The following THTPA variants were observed in gnomAD, a reference collection of about 807,000 sequenced individuals.
THTPA encodes the protein thiamine-triphosphatase.
In THTPA, 16 loss-of-function variants were observed where a neutral mutation model predicts 16.5. That is an observed-to-expected ratio of 0.97 (90% CI 0.66 to 1.47). THTPA has a LOEUF of 1.47. Ranked by LOEUF, THTPA falls within the 40% of genes most tolerant of loss-of-function variation. The pLI is 0.00. For missense variants in THTPA, 281 were observed against 280.9 expected (o/e 1.00, Z 0.00); for synonymous variants, 110 against 115.5 (o/e 0.95, Z 0.30).
At chr14:23,530,337 C>T in the THTPA span, 11 of 730,818 alleles carry the variant, frequency 1.5e-5, no homozygotes, top group Middle Eastern at 2.3e-4. Flanking sequence ...GTATGAAAAG[C>T]CAACAAAAAG....
chr14:23,533,315 C>A, the THTPA span: 1 of 1,438,016 alleles, frequency 7.0e-7, no homozygotes, highest in South Asian at 1.5e-5. This position sits in a 1 kb window ranked among gnomAD's most constrained non-coding sequence, Gnocchi z 4.8. Context: ...GCAGGTGCTC[C>A]TACGTGGTGG....
upstream of THTPA, among the ~76,000 whole-genome samples, chr14:23,553,727 T>A (rs1882140144): frequency 6.6e-6 from 1 of 151,174 alleles, no homozygotes; most frequent in Non-Finnish European, 1.5e-5. Flanking sequence ...ACCCCATCTC[T>A]ACTAAAATTA....
the THTPA span, chr14:23,535,052 C>A: frequency 1.5e-5 from 23 of 1,536,172 alleles, no homozygotes; most frequent in Non-Finnish European, 2.0e-5. The surrounding 1 kb of genome is among the most constrained non-coding windows in gnomAD (Gnocchi z 4.5). Context: ...TCCTTTTCCA[C>A]CCCTGGGTCA....
chr14:23,522,313 GCA>G, the THTPA span: 17 of 1,524,504 alleles, frequency 1.1e-5, no homozygotes, highest in Non-Finnish European at 1.4e-5. Context: ...ATGCCATCTT[GCA>G]CTGGCGGCAC....
At chr14:23,552,474 G>A (rs1474196462), upstream of THTPA, among the ~76,000 whole-genome samples, 2 of 151,966 alleles carry the variant, frequency 1.3e-5, no homozygotes, top group Non-Finnish European at 2.9e-5. Flanking sequence ...TGTATTTTTA[G>A]TAGAGACGGG....
At chr14:23,524,535 G>A in the THTPA span, 1 of 1,525,350 alleles carries the variant, frequency 6.6e-7, no homozygotes, top group South Asian at 1.2e-5. This position sits in a 1 kb window ranked among gnomAD's most constrained non-coding sequence, Gnocchi z 5.6. Context: ...TCTAGGAGTT[G>A]GGGGGGAGCA....
the THTPA span, chr14:23,535,220 G>C: frequency 6.6e-7 from 1 of 1,526,038 alleles, no homozygotes; most frequent in South Asian, 1.2e-5. This position sits in a 1 kb window ranked among gnomAD's most constrained non-coding sequence, Gnocchi z 4.5. Context: ...TTGGTGACAG[G>C]ATCAGAGGGG....
At chr14:23,533,084 G>A in the THTPA span, 8 of 1,521,978 alleles carry the variant, frequency 5.3e-6, no homozygotes, top group Non-Finnish European at 7.0e-6. This position sits in a 1 kb window ranked among gnomAD's most constrained non-coding sequence, Gnocchi z 4.8. Flanking sequence ...GCTTCCAGGG[G>A]CTAGAGGACA....
upstream of THTPA, chr14:23,556,073 A>G (rs1316389743): frequency 1.3e-5 from 2 of 152,454 alleles, no homozygotes; most frequent in Non-Finnish European, 2.9e-5. Context: ...GGGGCCAACA[A>G]TGAGGAGCAG....
the THTPA span, among the ~76,000 whole-genome samples, chr14:23,547,096 TGTG>T: frequency 6.6e-6 from 1 of 152,226 alleles, no homozygotes; most frequent in Non-Finnish European, 1.5e-5. Flanking sequence ...CTCTGAGAGT[TGTG>T]GTGAGTTTTA....
the THTPA span, chr14:23,525,151 G>A: frequency 1.3e-5 from 20 of 1,536,160 alleles, no homozygotes; most frequent in South Asian, 2.4e-4. This position sits in a 1 kb window ranked among gnomAD's most constrained non-coding sequence, Gnocchi z 5.9. Flanking sequence ...TGGTTCTGGA[G>A]AACCGGCGGC....
chr14:23,547,007 A>C, the THTPA span, among the ~76,000 whole-genome samples: 1 of 152,050 alleles, frequency 6.6e-6, no homozygotes, highest in Non-Finnish European at 1.5e-5. Context: ...TTGGCCCTTC[A>C]CCTCGTGATT....
At chr14:23,525,428 C>T in the THTPA span, 492 of 1,536,094 alleles carry the variant, frequency 3.2e-4, 2 homozygotes, top group South Asian at 1.5e-3. The surrounding 1 kb of genome is among the most constrained non-coding windows in gnomAD (Gnocchi z 5.9). Context: ...GGGCAGAAAG[C>T]GGCGGTGGAC....
the THTPA span, chr14:23,528,635 G>T: frequency 2.0e-6 from 2 of 985,404 alleles, no homozygotes; most frequent in Non-Finnish European, 2.4e-6. Flanking sequence ...CTACCTGTCT[G>T]CTCAGAAGCC....
chr14:23,535,163 C>G, the THTPA span: 1 of 1,535,684 alleles, frequency 6.5e-7, no homozygotes, highest in Non-Finnish European at 8.7e-7. This position sits in a 1 kb window ranked among gnomAD's most constrained non-coding sequence, Gnocchi z 4.5. Flanking sequence ...CCCCCTGGCT[C>G]TGAGGACCTC....
chr14:23,512,090 C>T, the THTPA span, among the ~76,000 whole-genome samples: 1 of 152,162 alleles, frequency 6.6e-6, no homozygotes, highest in Admixed American at 6.5e-5. Flanking sequence ...TCTGCACCCC[C>T]AGCCTGGCAG....
At chr14:23,519,541 C>T in the THTPA span, among the ~76,000 whole-genome samples, 1 of 152,134 alleles carries the variant, frequency 6.6e-6, no homozygotes, top group Non-Finnish European at 1.5e-5. Context: ...CTCCTGTTGC[C>T]TAGATCTGTG....
the THTPA span, chr14:23,527,759 G>T: frequency 1.3e-6 from 2 of 1,536,148 alleles, no homozygotes; most frequent in Non-Finnish European, 1.7e-6. Flanking sequence ...GCCCTCACCT[G>T]GCTGGACTCT....
In THTPA at chr14:23,557,261, A is replaced by T. The variant is rs374909185; in HGVS notation, c.504A>T (p.Val168=). ...VEALVHEEAE[V]PTALEKIHRL... ...CCCTGGTGCATGAGGAGGCTGAAGTACCAACTGCCCTAGAGAAGATCCACA... is the reference window on the plus strand; with the variant it reads ...CCCTGGTGCATGAGGAGGCTGAAGTTCCAACTGCCCTAGAGAAGATCCACA... Residue 168 remains valine (V), a synonymous_variant, in exon 1 of 2, where the codon GTA becomes GTT. Transcript: ENST00000288014. The T allele has an allele frequency of 5.6e-6, 9 of 1,610,326 alleles. 1 individual carries two copies. In the Admixed American group the frequency reaches 1.2e-4, roughly 21 times the overall value.
Sources: allele counts gnomAD v4.1 joint callset (sites outside exome capture counted in the v4.1 genomes callset), GRCh38; gene constraint gnomAD v4.1.1; non-coding constraint Gnocchi (gnomAD v3.1); transcripts MANE v1.5; gene names NCBI Gene and HGNC (gene_info 2026-07-23, HGNC 2026-07-21).